The following PXDNL variants were observed in gnomAD, a reference collection of about 807,000 sequenced individuals.
PXDNL encodes probable oxidoreductase PXDNL.
A neutral mutation model predicts 150.8 loss-of-function variants in PXDNL; 145 were observed. That is an observed-to-expected ratio of 0.96 (90% confidence interval 0.84 to 1.10). The LOEUF (loss-of-function observed/expected upper bound fraction) is 1.10. Ranked by LOEUF, PXDNL falls within the 50% of genes least tolerant of loss-of-function variation. The pLI, the probability that PXDNL is intolerant of heterozygous loss-of-function variation, is 0.00. For missense variants in PXDNL, 2,087 were observed against 1,873.9 expected, an observed-to-expected ratio of 1.11 and a Z score of -2.10; for synonymous variants, 757 against 725.7, an observed-to-expected ratio of 1.04 and a Z score of -0.69.
At chr8:51,763,530 T>G (rs894137151) in intron 1 of PXDNL, among the ~76,000 whole-genome samples, 1 of 152,104 alleles carries the variant, frequency 6.6e-6, no homozygotes, top group African/African-American at 2.4e-5. Context: ...CCCAGAAGTA[T>G]GCCAACATAT....
intron 18 of PXDNL, 82 bp from the exon 19 acceptor site, chr8:51,372,163 C>A: frequency 1.1e-6 from 1 of 936,646 alleles, no homozygotes; most frequent in Non-Finnish European, 1.6e-6. Flanking sequence ...CACAATGCAC[C>A]AAGAAGAGCT....
chr8:51,501,719 T>C (rs1811184503), intron 4 of PXDNL, among the ~76,000 whole-genome samples: 1 of 151,900 alleles, frequency 6.6e-6, no homozygotes. Flanking sequence ...CACACACACA[T>C]ACTCCCACAC....
chr8:51,758,062 T>C, intron 1 of PXDNL, among the ~76,000 whole-genome samples: 1 of 152,180 alleles, frequency 6.6e-6, no homozygotes. Flanking sequence ...AAGGCAAATG[T>C]AAATAATAAT....
intron 3 of PXDNL, among the ~76,000 whole-genome samples, chr8:51,568,587 G>C (rs983849837): frequency 1.3e-5 from 2 of 150,636 alleles, no homozygotes; most frequent in Admixed American, 1.3e-4. Flanking sequence ...TAGATTCTTT[G>C]GTATTTATTC....
At chr8:51,749,843 G>T (rs1310978625) in intron 1 of PXDNL, among the ~76,000 whole-genome samples, 1 of 152,090 alleles carries the variant, frequency 6.6e-6, no homozygotes, top group Non-Finnish European at 1.5e-5. Flanking sequence ...TGGGATTACA[G>T]GCACGTACCA....
chr8:51,469,619 G>A (rs541264524), intron 8 of PXDNL, among the ~76,000 whole-genome samples: 89 of 152,080 alleles, frequency 5.9e-4, no homozygotes, highest in African/African-American at 2.0e-3. Context: ...TCCTCTCCAG[G>A]GGAGTAGAAA....
intron 14 of PXDNL, among the ~76,000 whole-genome samples, chr8:51,420,075 G>A (rs150367185): frequency 2.0e-5 from 3 of 152,260 alleles, no homozygotes; most frequent in East Asian, 1.9e-4. Flanking sequence ...TATATAATGC[G>A]TAGATGGTTG....
At chr8:51,355,897 A>C (rs1806490926) in intron 19 of PXDNL, among the ~76,000 whole-genome samples, 1 of 152,378 alleles carries the variant, frequency 6.6e-6, no homozygotes, top group South Asian at 2.1e-4. Context: ...ATTCTAAAAA[A>C]GAAGGCCACC....
intron 1 of PXDNL, among the ~76,000 whole-genome samples, chr8:51,669,561 G>A (rs552845218): frequency 1.4e-3 from 213 of 152,116 alleles, no homozygotes; most frequent in Non-Finnish European, 2.4e-3. Context: ...CTTTGGAGGG[G>A]TAATTTCAGG....
chr8:51,637,494 A>G (rs555148866), intron 2 of PXDNL, among the ~76,000 whole-genome samples: 57 of 152,370 alleles, frequency 3.7e-4, no homozygotes, highest in African/African-American at 1.3e-3. Flanking sequence ...AACAGTGTAG[A>G]GAAGTCCTTA....
chr8:51,759,922 G>A (rs1251874040), intron 1 of PXDNL, among the ~76,000 whole-genome samples: 1 of 152,164 alleles, frequency 6.6e-6, no homozygotes, highest in Non-Finnish European at 1.5e-5. Context: ...GCTGACCTCA[G>A]CCGCCCCAAA....
At chr8:51,647,369 G>C (rs960519487) in intron 2 of PXDNL, among the ~76,000 whole-genome samples, 2 of 152,180 alleles carry the variant, frequency 1.3e-5, no homozygotes, top group Admixed American at 1.3e-4. Flanking sequence ...TGAAGGTGAA[G>C]AGAACTTCTC....
chr8:51,346,888 A>C (rs2130704812), intron 19 of PXDNL, among the ~76,000 whole-genome samples: 1 of 152,260 alleles, frequency 6.6e-6, no homozygotes, highest in South Asian at 2.1e-4. Context: ...TAAATTACCC[A>C]GTCTTGGGTA....
At chr8:51,445,924 A>G (rs1257888785) in intron 12 of PXDNL, among the ~76,000 whole-genome samples, 2 of 151,892 alleles carry the variant, frequency 1.3e-5, no homozygotes, top group Admixed American at 1.3e-4. Flanking sequence ...CACTCGTTTG[A>G]GTTGCTATTT....
At chr8:51,529,285 G>A (rs1225722558) in intron 4 of PXDNL, among the ~76,000 whole-genome samples, 2 of 152,100 alleles carry the variant, frequency 1.3e-5, no homozygotes, top group Non-Finnish European at 2.9e-5. Context: ...CTGTCTTTCT[G>A]GATGCTAATC....
intron 19 of PXDNL, among the ~76,000 whole-genome samples, chr8:51,354,571 T>G (rs941285654): frequency 6.6e-6 from 1 of 152,088 alleles, no homozygotes; most frequent in Non-Finnish European, 1.5e-5. Flanking sequence ...GTTCTCATGT[T>G]TACTAAAAGG....
chr8:51,389,390 C>T (rs1807823535), intron 17 of PXDNL, among the ~76,000 whole-genome samples: 1 of 152,182 alleles, frequency 6.6e-6, no homozygotes, highest in African/African-American at 2.4e-5. Flanking sequence ...GCCTCGGTCC[C>T]TGATGTTTAC....
intron 19 of PXDNL, 66 bp from the exon 20 acceptor site, chr8:51,346,013 A>G: frequency 1.0e-6 from 1 of 1,002,644 alleles, no homozygotes; most frequent in South Asian, 1.3e-5. Flanking sequence ...CATCTAGATC[A>G]TTTCTTTAAC....
chr8:51,322,096 C>T (rs1349925688), intron 21 of PXDNL, among the ~76,000 whole-genome samples: 1 of 152,188 alleles, frequency 6.6e-6, no homozygotes, highest in Non-Finnish European at 1.5e-5. Flanking sequence ...TGGCCATCAG[C>T]AAGCCAAGGC....
Sources: allele counts gnomAD v4.1 joint callset (sites outside exome capture counted in the v4.1 genomes callset), GRCh38; gene constraint gnomAD v4.1.1; transcripts MANE v1.5; gene names NCBI Gene and HGNC (gene_info 2026-07-23, HGNC 2026-07-21).